TLE4: variants seen among roughly 807,000 people sequenced by gnomAD.
The protein encoded by TLE4 is transducin-like enhancer protein 4.
Under a neutral mutation model 92.8 loss-of-function variants are expected in TLE4, and 8 were observed. That is an observed-to-expected ratio of 0.09 (90% CI 0.05 to 0.16). The LOEUF is 0.16. TLE4 is among the 10% of genes least tolerant of loss of function. The pLI, the probability that TLE4 is intolerant of heterozygous loss-of-function variation, is 1.00. For synonymous variants in TLE4, 371 were observed against 374.1 expected, an observed-to-expected ratio of 0.99 and a Z score of 0.10; for missense variants, 675 against 997.6, an observed-to-expected ratio of 0.68 and a Z score of 4.36.
chr9:79,680,459 T>A (rs551295193), intron 8 of TLE4, among the ~76,000 whole-genome samples: 14 of 152,296 alleles, frequency 9.2e-5, no homozygotes, highest in Admixed American at 7.8e-4. Flanking sequence ...ATGCTTGTGA[T>A]TTTTGCACAT....
chr9:79,591,687 G>A (rs2042560602), intron 4 of TLE4, among the ~76,000 whole-genome samples: 1 of 152,136 alleles, frequency 6.6e-6, no homozygotes, highest in Non-Finnish European at 1.5e-5. Context: ...TGGAAAGGAG[G>A]AATCCCTATG....
Position 79,572,776 on chromosome 9 carries a change from A to C in TLE4, c.-15A>C. 1 of 1,598,898 alleles carries C rather than the reference A, an allele frequency of 6.3e-7. No homozygotes were observed. Among genetic ancestry groups the C allele is most frequent in the Non-Finnish European group, 8.5e-7 (1 of 1,173,438 alleles). ...CGCGCGCCTCTGCCGAGCGCAGCCAACTAAATCGGCTTGGATGATTCGCGA... is the reference window on the plus strand; with the variant it reads ...CGCGCGCCTCTGCCGAGCGCAGCCACCTAAATCGGCTTGGATGATTCGCGA... On this transcript the variant is annotated 5_prime_UTR_variant, in exon 1 of 20. Transcript: ENST00000376552.
At chr9:79,698,881 A>G (rs1224093438) in intron 8 of TLE4, among the ~76,000 whole-genome samples, 2 of 149,028 alleles carry the variant, frequency 1.3e-5, no homozygotes, top group Non-Finnish European at 3.0e-5. Flanking sequence ...ACATATATAT[A>G]TATATATGTA....
At chr9:79,647,134 G>C (rs564877718) in intron 6 of TLE4, among the ~76,000 whole-genome samples, 1 of 152,118 alleles carries the variant, frequency 6.6e-6, no homozygotes, top group Non-Finnish European at 1.5e-5. Flanking sequence ...ACAGAAATCT[G>C]CATAAAGTCT....
At chr9:79,671,323 T>G in intron 8 of TLE4, 1 of 453,648 alleles carries the variant, frequency 2.2e-6, no homozygotes, top group Non-Finnish European at 4.5e-6. Flanking sequence ...CATGCTAGTG[T>G]TGTGTGCTTC....
chr9:79,694,684 G>A (rs1490702106), intron 8 of TLE4, among the ~76,000 whole-genome samples: 1 of 151,554 alleles, frequency 6.6e-6, no homozygotes, highest in African/African-American at 2.4e-5. Flanking sequence ...ATCAACCAAT[G>A]TAAACATCTT....
chr9:79,676,267 G>A (rs2063241157), intron 8 of TLE4, among the ~76,000 whole-genome samples: 1 of 152,132 alleles, frequency 6.6e-6, no homozygotes, highest in South Asian at 2.1e-4. Flanking sequence ...TGTTACTACT[G>A]AAACTATTTT....
In TLE4 at chr9:79,700,768, A is replaced by G. The variant is rs1930258; in HGVS notation, c.610-4015A>G. Among the ~76,000 whole-genome samples, 465 of 152,198 alleles carry G rather than the reference A, an allele frequency of 3.1e-3. 4 individuals carry two copies. The highest frequency in any genetic ancestry group is 0.01 in the African/African-American group (428 of 41,534). On this transcript the variant is annotated intron_variant, in intron 8 of 19. Coordinates refer to ENST00000376552, the MANE Select transcript of TLE4 (RefSeq NM_007005.6). ...AGAGCTTTACTAAACATTCACATTC[A>G]GGGTATTTTGCTTTCTCTGGATCAG...
chr9:79,652,632 C>G lies in TLE4; in HGVS notation c.430C>G (p.Leu144Val). Reference protein sequence around the residue: ...QAQHLSHGHGLPVPLTPHPSG... With the variant: ...QAQHLSHGHGVPVPLTPHPSG... Reference sequence around the variant, plus strand: ...CCAGCATTTATCACATGGACATGGTCTCCCCGTACCTCTGACTCCACACCC... The same window carrying G: ...CCAGCATTTATCACATGGACATGGTGTCCCCGTACCTCTGACTCCACACCC... The change falls in exon 7 of 20, where the codon CTC becomes GTC. Residue 144 changes from leucine (L) to valine (V), a missense_variant. Leu to Val is a conservative substitution (Grantham distance 32). Transcript: ENST00000376552. The G allele has an allele frequency of 1.2e-6, 2 of 1,614,186 alleles. No homozygotes were observed. The highest frequency in any genetic ancestry group is 1.7e-6 in the Non-Finnish European group (2 of 1,180,018).
At position 79,726,451 on chromosome 9, in the gene TLE4, A is replaced by G. The variant is rs557619231; in HGVS notation, c.*1307A>G. ...GAACCGTGTAGATATACTTTATTGT[A>G]TAAGTAGAAAATTACTTAATTTCAT... On this transcript the variant is annotated 3_prime_UTR_variant, in exon 20 of 20. Coordinates refer to ENST00000376552, the MANE Select transcript of TLE4 (RefSeq NM_007005.6). 1.3e-5 allele frequency: 2 copies of G among 152,618 alleles called. No homozygotes were observed. Among genetic ancestry groups the G allele is most frequent in the Non-Finnish European group, 2.9e-5 (2 of 68,046 alleles). The allele number at this position is 152,618 out of a possible 1,614,324, so 9.5% of individuals were successfully genotyped here.
rs1161221609 is a variant in TLE4, at chr9:79,726,581, G to A, written c.*1437G>A. 1 of 152,542 alleles carries A rather than the reference G, an allele frequency of 6.6e-6. No homozygotes were observed. Among genetic ancestry groups the A allele is most frequent in the Non-Finnish European group, 1.5e-5 (1 of 68,040 alleles). The allele number at this position is 152,542 out of a possible 1,614,324, so 9.4% of individuals were successfully genotyped here. On this transcript the variant is annotated 3_prime_UTR_variant, in exon 20 of 20. Coordinates refer to ENST00000376552, the MANE Select transcript of TLE4 (RefSeq NM_007005.6). ...GTGTCTTAAGTGCTTAGTGTTTGAT[G>A]TCATTAACAGTTTCGTAAAACTCTA...
At chr9:79,614,329 A>G (rs1331716242) in intron 5 of TLE4, among the ~76,000 whole-genome samples, 1 of 152,128 alleles carries the variant, frequency 6.6e-6, no homozygotes, top group African/African-American at 2.4e-5. Flanking sequence ...CTTTGGTCTC[A>G]TCACATTTCT....
At chr9:79,610,927 T>C (rs1035622372) in intron 4 of TLE4, among the ~76,000 whole-genome samples, 14 of 152,020 alleles carry the variant, frequency 9.2e-5, no homozygotes, top group African/African-American at 2.7e-4. Flanking sequence ...AGGGACTATT[T>C]TATTTATGTA....
chr9:79,647,617 A>T (rs1027912741), intron 6 of TLE4, among the ~76,000 whole-genome samples: 3 of 152,164 alleles, frequency 2.0e-5, no homozygotes, highest in African/African-American at 7.2e-5. Flanking sequence ...GTCAGAATTC[A>T]TCAGTGTATA....
At chr9:79,684,056 A>T (rs1169441862) in intron 8 of TLE4, among the ~76,000 whole-genome samples, 1 of 152,220 alleles carries the variant, frequency 6.6e-6, no homozygotes, top group African/African-American at 2.4e-5. Context: ...TCTATTTCTA[A>T]TATGGATGTC....
chr9:79,650,396 C>T (rs1284860945), intron 6 of TLE4, among the ~76,000 whole-genome samples: 8 of 152,108 alleles, frequency 5.3e-5, no homozygotes, highest in African/African-American at 1.9e-4. Context: ...TGCTCATTGA[C>T]CTCTGATCTG....
chr9:79,637,961 G>A (rs1181844946), intron 6 of TLE4, among the ~76,000 whole-genome samples: 1 of 152,150 alleles, frequency 6.6e-6, no homozygotes, highest in East Asian at 1.9e-4. Flanking sequence ...GAATAGGATT[G>A]TGCAAAATCC....
intron 8 of TLE4, among the ~76,000 whole-genome samples, chr9:79,662,750 C>A (rs2060724299): frequency 6.6e-6 from 1 of 151,994 alleles, no homozygotes; most frequent in African/African-American, 2.4e-5. Flanking sequence ...GTCAGGAAAC[C>A]CGTGCCACAA....
intron 14 of TLE4, among the ~76,000 whole-genome samples, chr9:79,714,648 C>G (rs190710986): frequency 3.3e-5 from 5 of 152,340 alleles, no homozygotes; most frequent in Admixed American, 1.3e-4. Flanking sequence ...AGAATACTTT[C>G]CATTAGAATG....
Sources: gnomAD v4.1 joint callset for allele counts (sites outside exome capture counted in the v4.1 genomes callset) on GRCh38, gnomAD v4.1.1 for gene constraint, MANE v1.5 for transcripts, NCBI Gene and HGNC (gene_info 2026-07-23, HGNC 2026-07-21) for gene names.